The following CMYA5 variants were observed in gnomAD, a reference collection of about 807,000 sequenced individuals.
CMYA5 encodes cardiomyopathy-associated protein 5.
In CMYA5, 246 loss-of-function variants were observed where a neutral mutation model predicts 318.9. The observed-to-expected ratio is 0.77, with a 90% CI of 0.70 to 0.86. The LOEUF (loss-of-function observed/expected upper bound fraction) is 0.86, where lower values mean the gene tolerates loss of function less well. CMYA5 is among the 40% of genes least tolerant of loss of function. CMYA5 has a pLI of 0.00. For synonymous variants in CMYA5, 1,641 were observed against 1,729.5 expected (o/e 0.95, Z 1.27); for missense variants, 4,589 against 4,678.2 (o/e 0.98, Z 0.56).
intron 11 of CMYA5, 64 bp from the exon 12 acceptor site, chr5:79,793,373 A>T: frequency 6.8e-7 from 1 of 1,476,486 alleles, no homozygotes; most frequent in Non-Finnish European, 9.3e-7. Flanking sequence ...GTGAATGTTT[A>T]TGCTTATGAG....
chr5:79,761,446 G>C (rs1828649833), intron 7 of CMYA5, among the ~76,000 whole-genome samples: 1 of 152,100 alleles, frequency 6.6e-6, no homozygotes, highest in South Asian at 2.1e-4. Context: ...TATTGGCACT[G>C]GTTCTTAAGA....
At chr5:79,709,007 T>C (rs977381792) in intron 1 of CMYA5, among the ~76,000 whole-genome samples, 6 of 152,196 alleles carry the variant, frequency 3.9e-5, no homozygotes, top group Non-Finnish European at 8.8e-5. Context: ...AGTACTCTGC[T>C]GAATTCCAGT....
Position 79,726,938 on chromosome 5 carries a change from G to A in CMYA5, c.150-1977G>A, listed in dbSNP as rs1397656768. Among the ~76,000 whole-genome samples the A allele has an allele frequency of 5.7e-5, 5 of 87,274 alleles. No homozygotes were observed. The South Asian group carries it at 1.2e-3, about 20-fold the overall frequency. The allele number at this position is 87,274 out of a possible 152,430, so 57.3% of individuals were successfully genotyped here. A position where few individuals can be genotyped will look rare whatever the true frequency, so the allele number is the denominator to read the frequency against. On this transcript the variant is annotated intron_variant, in intron 1 of 12. Transcript: ENST00000446378. ...TTTTTTTTTTTTTTTTTTTTGAGAC[G>A]GAGTTTCACTGTTGTCACCCAGGCT...
At chr5:79,714,215 T>C (rs1827468697) in intron 1 of CMYA5, among the ~76,000 whole-genome samples, 2 of 152,046 alleles carry the variant, frequency 1.3e-5, no homozygotes, top group African/African-American at 2.4e-5. Flanking sequence ...CTTTTGCACA[T>C]GTTGTTCCTT....
At position 79,736,483 on chromosome 5, in the gene CMYA5, A is replaced by G. The variant is rs368340459; in HGVS notation, c.7718A>G (p.Asp2573Gly). Residue 2573 changes from aspartate (D) to glycine (G), a missense_variant, in exon 2 of 13, where the codon GAT becomes GGT. Asp to Gly is a moderately conservative substitution (Grantham distance 94). This residue lies in a region of CMYA5 where 2,431 missense variants were observed against 2,495.1 expected (regional missense o/e 0.97). Transcript: ENST00000446378. Reference protein sequence around the residue: ...NVAESMSRESDISLGHSLGET... With the variant: ...NVAESMSRESGISLGHSLGET... ...GCCGAGTCTATGAGTAGAGAATCAG[A>G]TATCTCTTTAGGTCATTCTTTGGGT... 1.9e-6 allele frequency: 3 copies of G among 1,611,354 alleles called. No homozygotes were observed. The highest frequency in any genetic ancestry group is 2.5e-6 in the Non-Finnish European group (3 of 1,178,622).
rs572805980 is a variant in CMYA5 at position 79,691,446 on chromosome 5, T to C, written c.149+1390T>C. On this transcript the variant is annotated intron_variant, in intron 1 of 12. Coordinates refer to ENST00000446378, the MANE Select transcript of CMYA5 (RefSeq NM_153610.5). ...GCTGACCATTCACTCTGGGGTTGCA[T>C]TGCCATTTGACAAAGGTCAAGGCCT... Among the ~76,000 whole-genome samples, 10 of 152,348 alleles carry C rather than the reference T, an allele frequency of 6.6e-5. No individual in the cohort carries two copies. The South Asian group carries it at 2.1e-3, about 32-fold the overall frequency.
At chr5:79,772,916 TGTCA>T (rs1350694612) in intron 9 of CMYA5, among the ~76,000 whole-genome samples, 1 of 152,232 alleles carries the variant, frequency 6.6e-6, no homozygotes, top group Non-Finnish European at 1.5e-5. Flanking sequence ...ATCTCTAAGA[TGTCA>T]GTTGTGGAGA....
Position 79,736,205 on chromosome 5 carries a change from G to T in CMYA5, c.7440G>T (p.Val2480=), listed in dbSNP as rs1488517909. 2.8e-5 allele frequency: 45 copies of T among 1,613,434 alleles called. No homozygotes were observed. In the Admixed American group the frequency reaches 7.2e-4, roughly 26 times the overall value. Residue 2480 remains valine (V), a synonymous_variant, in exon 2 of 13, where the codon GTG becomes GTT. Coordinates refer to ENST00000446378, the MANE Select transcript of CMYA5 (RefSeq NM_153610.5). ...TGCTGGCAGAAAAACAAAACTCTGT[G>T]GCCCCATTAGAGCTTAGAGATAGTA... ...KKVLAEKQNS[V]APLELRDSNE...
chr5:79,690,249 A>C (rs1293418276), intron 1 of CMYA5, among the ~76,000 whole-genome samples, 193 bp downstream of exon 1: 1 of 152,164 alleles, frequency 6.6e-6, no homozygotes, highest in Non-Finnish European at 1.5e-5. Flanking sequence ...GCCCGCCTGC[A>C]GCAGAGTTCA....
chr5:79,789,764 T>G (rs1450978766), intron 10 of CMYA5, among the ~76,000 whole-genome samples: 1 of 152,106 alleles, frequency 6.6e-6, no homozygotes, highest in African/African-American at 2.4e-5. Flanking sequence ...TGTGTTATAA[T>G]TTGTGGATAT....
At chr5:79,797,540 C>CT (rs1829295682) in intron 12 of CMYA5, among the ~76,000 whole-genome samples, 1 of 152,086 alleles carries the variant, frequency 6.6e-6, no homozygotes, top group Non-Finnish European at 1.5e-5. Context: ...TCAAATGGCC[C>CT]TCCTGGTCTT....
intron 9 of CMYA5, among the ~76,000 whole-genome samples, chr5:79,769,884 T>G (rs114648660): frequency 0.017 from 2,605 of 152,338 alleles, 82 homozygotes; most frequent in African/African-American, 0.059. Flanking sequence ...CGTTTAAGTC[T>G]GCTGAAGCTG....
intron 4 of CMYA5, among the ~76,000 whole-genome samples, chr5:79,745,702 T>C (rs745669824): frequency 3.3e-5 from 5 of 152,194 alleles, no homozygotes; most frequent in Non-Finnish European, 5.9e-5. Flanking sequence ...AGCATCATCA[T>C]CCATTGCGTC....
intron 1 of CMYA5, among the ~76,000 whole-genome samples, chr5:79,712,658 C>T (rs1312156765): frequency 6.6e-6 from 1 of 152,050 alleles, no homozygotes; most frequent in Non-Finnish European, 1.5e-5. Flanking sequence ...TTCAAGGCTA[C>T]AATGTAAGGG....
In CMYA5 at chr5:79,732,669, G is replaced by T. The variant is rs776934211; in HGVS notation, c.3904G>T (p.Glu1302Ter). The change falls in exon 2 of 13, where the codon GAG becomes TAG. Residue 1302 changes from glutamate (E) to a stop codon, truncating the protein, a stop_gained. Coordinates refer to ENST00000446378, the MANE Select transcript of CMYA5 (RefSeq NM_153610.5). LOFTEE classifies it high-confidence loss of function. Reference sequence around the variant, plus strand: ...TGAGGCTTTATCAGCAGTGAAAATGGAGATGAAACATGATTCCAAAATAAC... The same window carrying T: ...TGAGGCTTTATCAGCAGTGAAAATGTAGATGAAACATGATTCCAAAATAAC... The part of the protein sequence containing the change: ...GPEALSAVKM[E>*]MKHDSKITTT... 17 of 1,613,376 alleles carry T rather than the reference G, an allele frequency of 1.1e-5. No individual in the cohort carries two copies. The Admixed American group carries it at 2.2e-4, about 21-fold the overall frequency.
At position 79,738,262 on chromosome 5, in the gene CMYA5, C is replaced by T. The variant is rs144627694; in HGVS notation, c.9497C>T (p.Ser3166Leu). The T allele has an allele frequency of 5.0e-4, 813 of 1,613,582 alleles. 4 individuals are homozygous for T. In the African/African-American group the frequency reaches 9.1e-3, roughly 18 times the overall value. ...PLFEAEEGVL[S>L]RTQIFPTTIK... ...TTTGAAGCAGAGGAAGGAGTTCTAT[C>T]ACGAACCCAGATATTTCCTACCACT... is the stretch of plus-strand genomic sequence containing the variant. The change falls in exon 2 of 13, where the codon TCA becomes TTA. Residue 3166 changes from serine (S) to leucine (L), a missense_variant. By Grantham distance (145) the Ser-to-Leu change is moderately radical. Coordinates refer to ENST00000446378, the MANE Select transcript of CMYA5 (RefSeq NM_153610.5).
rs1828003881 is a variant in CMYA5 at position 79,734,480 on chromosome 5, A to C, written c.5715A>C (p.Gln1905His). The C allele has an allele frequency of 6.2e-7, 1 of 1,613,600 alleles. No individual in the cohort carries two copies. The highest frequency in any genetic ancestry group is 1.3e-5 in the African/African-American group (1 of 74,928). ...MLGKPENVAS[Q>H]HEQRIAGSVQ... Reference sequence around the variant, plus strand: ...GAAAGCCAGAAAATGTGGCTAGTCAACACGAACAGAGAATAGCAGGATCTG... The same window carrying C: ...GAAAGCCAGAAAATGTGGCTAGTCACCACGAACAGAGAATAGCAGGATCTG... The change falls in exon 2 of 13, where the codon CAA becomes CAC. Residue 1905 changes from glutamine to histidine, a missense_variant. Physicochemically the swap from Gln to His is conservative, Grantham distance 24. Transcript: ENST00000446378.
intron 1 of CMYA5, among the ~76,000 whole-genome samples, chr5:79,713,589 T>C (rs1246020028): frequency 6.6e-6 from 1 of 152,130 alleles, no homozygotes; most frequent in East Asian, 1.9e-4. Context: ...TTTATGTAAT[T>C]GAATAACAGC....
chr5:79,775,634 A>T (rs1828925650), intron 9 of CMYA5, among the ~76,000 whole-genome samples: 2 of 152,218 alleles, frequency 1.3e-5, no homozygotes, highest in Admixed American at 6.5e-5. Context: ...ATTTCTTGAC[A>T]TTCAGCTCTA....
Sources: gnomAD v4.1 joint callset for allele counts (sites outside exome capture counted in the v4.1 genomes callset) on GRCh38, gnomAD v4.1.1 for gene constraint, gnomAD v4.1.1 regional missense constraint, MANE v1.5 for transcripts, NCBI Gene and HGNC (gene_info 2026-07-23, HGNC 2026-07-21) for gene names.